PARN: variants seen among roughly 807,000 people sequenced by gnomAD.
PARN encodes poly(A)-specific ribonuclease.
Under a neutral mutation model 102.8 loss-of-function variants are expected in PARN, and 71 were observed. The ratio of observed to expected loss-of-function variants is 0.69; its 90% CI spans 0.57 to 0.84. PARN has a LOEUF of 0.84. Among genes scored for constraint, PARN ranks in the 40% least tolerant of loss-of-function variants. PARN has a pLI of 0.00. For synonymous variants in PARN, 261 were observed against 252.9 expected (o/e 1.03, Z -0.30); for missense variants, 782 against 760.9 (o/e 1.03, Z -0.33).
At chr16:14,592,278 G>A (rs1424055688) in intron 13 of PARN, among the ~76,000 whole-genome samples, 2 of 152,198 alleles carry the variant, frequency 1.3e-5, no homozygotes, top group African/African-American at 4.8e-5. Context: ...ACAACACTTA[G>A]TCTGGGGGCT....
chr16:14,463,829 T>TG (rs1491369797), intron 22 of PARN, among the ~76,000 whole-genome samples: 16 of 108,858 alleles, frequency 1.5e-4, no homozygotes, highest in South Asian at 3.5e-4. Context: ...AAGTCCAAAC[T>TG]TTTTTTTTTG....
In PARN at chr16:14,630,175, A is replaced by G. The variant is rs1217131189; in HGVS notation, c.-50T>C. The G allele has an allele frequency of 3.3e-6, 5 of 1,528,112 alleles. No individual in the cohort carries two copies. In the Admixed American group the frequency reaches 7.9e-5, roughly 24 times the overall value. The allele number at this position is 1,528,112 out of a possible 1,614,324, so 94.7% of individuals were successfully genotyped here. ...CCCCACCCGGGCCCGCGCCCGCCTCAGCGGTTCTACTCGCCGAATTCCGCG... is the reference window on the plus strand; with the variant it reads ...CCCCACCCGGGCCCGCGCCCGCCTCGGCGGTTCTACTCGCCGAATTCCGCG... On this transcript the variant is annotated 5_prime_UTR_variant, in exon 1 of 24. Transcript: ENST00000437198.
intron 22 of PARN, among the ~76,000 whole-genome samples, chr16:14,458,319 G>A (rs935815786): frequency 2.6e-5 from 4 of 152,010 alleles, no homozygotes; most frequent in Non-Finnish European, 5.9e-5. Flanking sequence ...TCAATCAAAG[G>A]ACTTACTAAT....
intron 21 of PARN, among the ~76,000 whole-genome samples, chr16:14,544,143 G>A (rs1464054541): frequency 8.5e-5 from 13 of 152,126 alleles, no homozygotes; most frequent in Admixed American, 8.5e-4. Context: ...GGTGAGCCAA[G>A]ATCATGCCAT....
chr16:14,582,089 G>A lies in PARN; in HGVS notation c.1192+92C>T, dbSNP rs1049277399. ...TGTCTGTTGTTTAAGCCCCACACTCGACAGTAATTTATTACAGCAGCCTAA... is the reference window on the plus strand; with the variant it reads ...TGTCTGTTGTTTAAGCCCCACACTCAACAGTAATTTATTACAGCAGCCTAA... On this transcript the variant is annotated intron_variant, in intron 17 of 23. Coordinates refer to ENST00000437198, the MANE Select transcript of PARN (RefSeq NM_002582.4). 2.9e-5 allele frequency: 24 copies of A among 829,150 alleles called. No individual in the cohort carries two copies. The Middle Eastern group carries it at 9.0e-4, about 31-fold the overall frequency. The allele number at this position is 829,150 out of a possible 1,614,324, so 51.4% of individuals were successfully genotyped here. A position where few individuals can be genotyped will look rare whatever the true frequency, so the allele number is the denominator to read the frequency against.
intron 23 of PARN, among the ~76,000 whole-genome samples, chr16:14,439,432 G>C (rs1960853743): frequency 7.1e-6 from 1 of 140,518 alleles, no homozygotes; most frequent in East Asian, 2.3e-4. Context: ...GGGAGGGAGG[G>C]AGGGAGGAAG....
intron 22 of PARN, among the ~76,000 whole-genome samples, chr16:14,466,449 T>TA (rs1327758185): frequency 1.3e-5 from 2 of 152,218 alleles, no homozygotes; most frequent in Non-Finnish European, 2.9e-5. Context: ...TCAGCTCTGT[T>TA]ACGATTTGGC....
chr16:14,595,760 A>G (rs1395514239), intron 12 of PARN, among the ~76,000 whole-genome samples: 2 of 151,958 alleles, frequency 1.3e-5, no homozygotes, highest in African/African-American at 4.8e-5. Context: ...CAAACTCCTG[A>G]CCTCACGTGA....
chr16:14,600,649 G>C (rs1021269548), intron 11 of PARN, among the ~76,000 whole-genome samples: 9 of 152,230 alleles, frequency 5.9e-5, no homozygotes, highest in Non-Finnish European at 5.9e-5. Flanking sequence ...CCCCAACACT[G>C]GCTGGGTGAA....
At chr16:14,547,970 C>T (rs1946165608) in intron 21 of PARN, among the ~76,000 whole-genome samples, 2 of 152,048 alleles carry the variant, frequency 1.3e-5, no homozygotes, top group Admixed American at 6.6e-5. Context: ...AGGGGCCGGG[C>T]GCGGTGGCTC....
intron 10 of PARN, 124 bp downstream of exon 10, chr16:14,606,360 G>A (rs369150808): frequency 1.2e-5 from 6 of 495,276 alleles, no homozygotes; most frequent in South Asian, 3.8e-5. Flanking sequence ...ACTAACCACT[G>A]CACTCCAGCC....
At chr16:14,528,396 G>T (rs999899547) in intron 21 of PARN, among the ~76,000 whole-genome samples, 1 of 152,216 alleles carries the variant, frequency 6.6e-6, no homozygotes, top group Non-Finnish European at 1.5e-5. Context: ...CATTCTGGCA[G>T]CAGGTTTTGT....
At chr16:14,591,725 A>G (rs1469603782) in intron 13 of PARN, among the ~76,000 whole-genome samples, 2 of 152,128 alleles carry the variant, frequency 1.3e-5, no homozygotes, top group Non-Finnish European at 2.9e-5. Context: ...GATGAGAAAT[A>G]AGGCCGCTTG....
Position 14,627,147 on chromosome 16 carries a change from G to C in PARN, c.286C>G (p.Pro96Ala). ...KSFNFYVFPK[P>A]FNRSSPDVKF... Reference sequence around the variant, plus strand: ...ACATCTGGTGAGGATCTATTGAAGGGTTTCGGGAAAACATAGAAGTTAAAT... The same window carrying C: ...ACATCTGGTGAGGATCTATTGAAGGCTTTCGGGAAAACATAGAAGTTAAAT... Residue 96 changes from proline to alanine, a missense_variant, in exon 5 of 24, where the codon CCC becomes GCC. Pro to Ala is a conservative substitution (Grantham distance 27). Coordinates refer to ENST00000437198, the MANE Select transcript of PARN (RefSeq NM_002582.4). The C allele has an allele frequency of 6.2e-7, 1 of 1,606,442 alleles. No homozygotes were observed. Among genetic ancestry groups the C allele is most frequent in the Admixed American group, 1.7e-5 (1 of 59,632 alleles).
chr16:14,614,960 C>T (rs1422231199), intron 6 of PARN, among the ~76,000 whole-genome samples: 1 of 145,282 alleles, frequency 6.9e-6, no homozygotes, highest in African/African-American at 2.6e-5. Flanking sequence ...CAGAGGAAGA[C>T]AAGAGTGAGA....
chr16:14,521,742 T>C (rs969674757), intron 21 of PARN, among the ~76,000 whole-genome samples: 2 of 150,816 alleles, frequency 1.3e-5, no homozygotes, highest in African/African-American at 4.9e-5. Context: ...GTGGTGGTTG[T>C]GGTAAACCAA....
At chr16:14,612,195 T>C (rs1596862145) in intron 6 of PARN, among the ~76,000 whole-genome samples, 1 of 152,228 alleles carries the variant, frequency 6.6e-6, no homozygotes, top group Non-Finnish European at 1.5e-5. Flanking sequence ...TCCAACCACT[T>C]TGAGAGGCCG....
chr16:14,609,171 A>C (rs774214917), intron 7 of PARN, 48 bp from the exon 8 acceptor site: 2 of 874,808 alleles, frequency 2.3e-6, no homozygotes, highest in South Asian at 3.1e-5. Flanking sequence ...TAAGGAATGA[A>C]GTCATCAACC....
intron 21 of PARN, among the ~76,000 whole-genome samples, chr16:14,511,940 C>T (rs1319719108): frequency 1.3e-5 from 2 of 152,152 alleles, no homozygotes; most frequent in Non-Finnish European, 2.9e-5. Flanking sequence ...TCCTCAGTCT[C>T]AGCCTCCCAA....
Sources: gnomAD v4.1 joint callset for allele counts (sites outside exome capture counted in the v4.1 genomes callset) on GRCh38, gnomAD v4.1.1 for gene constraint, MANE v1.5 for transcripts, NCBI Gene and HGNC (gene_info 2026-07-23, HGNC 2026-07-21) for gene names.